ADGRL3: variants seen among roughly 807,000 people sequenced by gnomAD.
ADGRL3 encodes the protein adhesion G protein-coupled receptor L3.
A neutral mutation model predicts 153.5 loss-of-function variants in ADGRL3; 62 were observed. That is an observed-to-expected ratio of 0.40 (90% CI 0.33 to 0.50). The LOEUF is 0.50. Among genes scored for constraint, ADGRL3 ranks in the 20% least tolerant of loss-of-function variants. The probability of loss-of-function intolerance (pLI) is 0.47; values close to 1 mark genes in which losing one functional copy is unlikely to be tolerated. For synonymous variants in ADGRL3, 710 were observed against 672.5 expected (o/e 1.06, Z -0.86); for missense variants, 1,641 against 1,859.4 (o/e 0.88, Z 2.16).
At chr4:61,931,881 A>G (rs2150109487) in intron 13 of ADGRL3, among the ~76,000 whole-genome samples, 1 of 152,288 alleles carries the variant, frequency 6.6e-6, no homozygotes, top group Non-Finnish European at 1.5e-5. Context: ...CAAAACTAAG[A>G]TAAATTAATA....
chr4:61,303,217 C>G (rs2094641166), intron 1 of ADGRL3, among the ~76,000 whole-genome samples: 1 of 152,162 alleles, frequency 6.6e-6, no homozygotes, highest in African/African-American at 2.4e-5. Context: ...CTGGGAGATA[C>G]AATGCCTACT....
Position 61,983,557 on chromosome 4 carries a change from G to A in ADGRL3, c.3190G>A (p.Ala1064Thr). The A allele has an allele frequency of 1.9e-6, 3 of 1,613,936 alleles. No individual in the cohort carries two copies. The highest frequency in any genetic ancestry group is 2.5e-6 in the Non-Finnish European group (3 of 1,179,852). ...CTATGGGATGCCTGCACTCATTGTG[G>A]CTGTGTCAGCTGCAGTAGACTACAG... The part of the protein sequence containing the change: ...VGYGMPALIV[A>T]VSAAVDYRSY... The change falls in exon 19 of 27, where the codon GCT becomes ACT. Residue 1064 changes from alanine to threonine, a missense_variant. By Grantham distance (58) the Ala-to-Thr change is moderately conservative (BLOSUM62 0). Coordinates refer to ENST00000683033, the MANE Select transcript of ADGRL3 (RefSeq NM_001387552.1).
intron 9 of ADGRL3, among the ~76,000 whole-genome samples, chr4:61,882,588 T>C (rs2098514851): frequency 6.6e-6 from 1 of 152,132 alleles, no homozygotes; most frequent in South Asian, 2.1e-4. Flanking sequence ...CACTTTGGCC[T>C]GTCAACACCC....
At chr4:61,962,109 T>A (rs2098990127) in intron 17 of ADGRL3, among the ~76,000 whole-genome samples, 1 of 151,910 alleles carries the variant, frequency 6.6e-6, no homozygotes, top group Non-Finnish European at 1.5e-5. Context: ...CATGGTGGTA[T>A]GGGCCTATAG....
rs144250140 is a variant in ADGRL3, at chr4:61,582,872, T to C, written c.260-4355T>C. On this transcript the variant is annotated intron_variant, in intron 4 of 26. Transcript: ENST00000683033. ...TTCAAGTCGTCAGTGACCACTGATATTCCAACTTCTTTGTTCATCCCTCTT... is the reference window on the plus strand; with the variant it reads ...TTCAAGTCGTCAGTGACCACTGATACTCCAACTTCTTTGTTCATCCCTCTT... Among the ~76,000 whole-genome samples the C allele has an allele frequency of 9.3e-4, 142 of 152,142 alleles. 1 individual carries two copies. Among genetic ancestry groups the C allele is most frequent in the African/African-American group, 3.3e-3 (137 of 41,562 alleles).
At chr4:61,353,364 C>A (rs2096091647) in intron 1 of ADGRL3, among the ~76,000 whole-genome samples, 1 of 151,982 alleles carries the variant, frequency 6.6e-6, no homozygotes, top group African/African-American at 2.4e-5. Context: ...ATACTCTTTC[C>A]ATTTTTAAGA....
intron 1 of ADGRL3, among the ~76,000 whole-genome samples, chr4:61,254,712 T>C (rs942270844): frequency 6.6e-6 from 1 of 152,192 alleles, no homozygotes; most frequent in Non-Finnish European, 1.5e-5. Flanking sequence ...ACCATGCTTA[T>C]TAAGTTCCCG....
At chr4:61,600,829 C>T (rs151207860) in intron 5 of ADGRL3, among the ~76,000 whole-genome samples, 16 of 151,984 alleles carry the variant, frequency 1.1e-4, no homozygotes, top group Non-Finnish European at 7.4e-5. Context: ...ATTAGCTTCA[C>T]GTTCTAAAAA....
intron 1 of ADGRL3, among the ~76,000 whole-genome samples, chr4:61,350,548 T>C (rs1449974589): frequency 9.9e-5 from 15 of 152,172 alleles, no homozygotes; most frequent in African/African-American, 3.6e-4. Flanking sequence ...AATCCTTCAT[T>C]GAACAAGTCT....
At chr4:61,205,574 A>G (rs1026173744) in intron 1 of ADGRL3, among the ~76,000 whole-genome samples, 6 of 152,224 alleles carry the variant, frequency 3.9e-5, no homozygotes, top group Non-Finnish European at 8.8e-5. Context: ...TGCCCACAGG[A>G]CATATTTACA....
intron 1 of ADGRL3, among the ~76,000 whole-genome samples, chr4:61,274,377 A>G (rs926282445): frequency 6.6e-6 from 1 of 152,182 alleles, no homozygotes; most frequent in Non-Finnish European, 1.5e-5. Flanking sequence ...AGACAAGAAG[A>G]GAAGAAATAT....
At chr4:61,976,122 G>T (rs75850284) in intron 17 of ADGRL3, among the ~76,000 whole-genome samples, 1 of 152,068 alleles carries the variant, frequency 6.6e-6, no homozygotes, top group African/African-American at 2.4e-5. Flanking sequence ...GTGCTAGGAT[G>T]TAATATTAAT....
intron 1 of ADGRL3, among the ~76,000 whole-genome samples, chr4:61,242,894 A>T (rs1255072336): frequency 3.3e-5 from 5 of 152,146 alleles, no homozygotes; most frequent in African/African-American, 1.2e-4. Context: ...ACAATTATTG[A>T]ACAGTTGTTT....
At chr4:61,354,698 T>C (rs2096127631) in intron 1 of ADGRL3, among the ~76,000 whole-genome samples, 2 of 151,960 alleles carry the variant, frequency 1.3e-5, no homozygotes, top group African/African-American at 4.8e-5. Context: ...AATCTGCCCA[T>C]TACCTCTGGG....
intron 6 of ADGRL3, among the ~76,000 whole-genome samples, chr4:61,718,053 GTAAAA>G (rs1442331579): frequency 1.8e-4 from 28 of 151,820 alleles, no homozygotes; most frequent in Non-Finnish European, 3.5e-4. Flanking sequence ...ATAAAATAAA[GTAAAA>G]TAAAATAAAA....
intron 4 of ADGRL3, among the ~76,000 whole-genome samples, chr4:61,525,558 A>G (rs764440708): frequency 1.3e-5 from 2 of 152,084 alleles, no homozygotes; most frequent in Non-Finnish European, 2.9e-5. Context: ...ACCTGCTACA[A>G]TTGTGTGGGA....
At chr4:61,868,626 C>T (rs1020344050) in intron 9 of ADGRL3, among the ~76,000 whole-genome samples, 3 of 152,144 alleles carry the variant, frequency 2.0e-5, no homozygotes, top group Non-Finnish European at 4.4e-5. Context: ...TCTAAACTTG[C>T]CTTTCTTTTT....
At chr4:61,678,763 T>A (rs182720528) in intron 6 of ADGRL3, among the ~76,000 whole-genome samples, 1 of 152,122 alleles carries the variant, frequency 6.6e-6, no homozygotes, top group African/African-American at 2.4e-5. Flanking sequence ...ACTTGCCAGT[T>A]TATACACTGG....
At chr4:61,537,277 A>G (rs2098662787) in intron 4 of ADGRL3, among the ~76,000 whole-genome samples, 1 of 151,770 alleles carries the variant, frequency 6.6e-6, no homozygotes, top group South Asian at 2.1e-4. Context: ...AATTTCCTTA[A>G]TAAGTGATTT....
Sources: allele counts gnomAD v4.1 joint callset (sites outside exome capture counted in the v4.1 genomes callset), GRCh38; gene constraint gnomAD v4.1.1; transcripts MANE v1.5; gene names NCBI Gene and HGNC (gene_info 2026-07-23, HGNC 2026-07-21).